The following MCM8 variants were observed in gnomAD, a reference collection of about 807,000 sequenced individuals.
The protein encoded by MCM8 is DNA helicase MCM8.
MCM8 carries 85 observed loss-of-function variants against 98.9 expected under a neutral mutation model. The observed-to-expected ratio is 0.86, with a 90% CI of 0.72 to 1.03. The LOEUF (loss-of-function observed/expected upper bound fraction) is 1.03. MCM8 is among the 50% of genes least tolerant of loss of function. The pLI is 0.00. For synonymous variants in MCM8, 352 were observed against 338.6 expected (o/e 1.04, Z -0.44); for missense variants, 951 against 997.8 (o/e 0.95, Z 0.63).
chr20:5,952,891 G>T (rs1247679419), intron 3 of MCM8, among the ~76,000 whole-genome samples: 1 of 152,230 alleles, frequency 6.6e-6, no homozygotes, highest in East Asian at 1.9e-4. Context: ...TTACCAGAAT[G>T]TGGGAATTCA....
intron 17 of MCM8, among the ~76,000 whole-genome samples, chr20:5,993,124 G>A (rs2089886309): frequency 1.3e-5 from 2 of 151,944 alleles, no homozygotes; most frequent in Non-Finnish European, 2.9e-5. Context: ...ATACTGGTGC[G>A]GCCAGATGCT....
chr20:5,959,658 C>T (rs1471071564), intron 7 of MCM8, among the ~76,000 whole-genome samples: 1 of 147,850 alleles, frequency 6.8e-6, no homozygotes, highest in Non-Finnish European at 1.5e-5. Context: ...TACATGTCTC[C>T]TTAGCAGAGG....
chr20:5,959,183 C>T (rs891981252), intron 7 of MCM8, among the ~76,000 whole-genome samples: 1 of 151,858 alleles, frequency 6.6e-6, no homozygotes, highest in Non-Finnish European at 1.5e-5. Flanking sequence ...GATTTTAAAA[C>T]TATAGAAAAG....
chr20:5,978,084 A>G, intron 13 of MCM8, 67 bp downstream of exon 13: 1 of 1,565,996 alleles, frequency 6.4e-7, no homozygotes, highest in East Asian at 2.2e-5. Flanking sequence ...TTTTCAGTTA[A>G]TTTCTTTACA....
chr20:5,951,884 C>A, intron 1 of MCM8, 127 bp from the exon 2 acceptor site: 1 of 1,075,234 alleles, frequency 9.3e-7, no homozygotes, highest in Non-Finnish European at 1.3e-6. Context: ...AGCTGTACAA[C>A]TTTGCAAGCC....
At chr20:5,953,804 T>A (rs59045889) in intron 3 of MCM8, among the ~76,000 whole-genome samples, 3,658 of 152,058 alleles carry the variant, frequency 0.024, 131 homozygotes, top group African/African-American at 0.077. Flanking sequence ...AAACTAGACG[T>A]TTGAGGTCCA....
chr20:5,993,535 G>A lies in MCM8; in HGVS notation c.2270G>A (p.Gly757Glu), dbSNP rs1466170248. ...CTAGGAACTTACTCTGATGAATTTG[G>A]GAACCTAGATTTTGAGCGATCCCAG... is the stretch of plus-strand genomic sequence containing the variant. ...SMLGTYSDEF[G>E]NLDFERSQHG... Residue 757 changes from glycine (G) to glutamate (E), a missense_variant, in exon 18 of 19, where the codon GGG (glycine) becomes GAG (glutamate). Gly to Glu is a moderately conservative substitution (Grantham distance 98, BLOSUM62 -2). Transcript: ENST00000610722. 6.4e-7 allele frequency: 1 copy of A among 1,574,262 alleles called. No homozygotes were observed. Among genetic ancestry groups the A allele is most frequent in the South Asian group, 1.2e-5 (1 of 84,028 alleles).
At chr20:5,956,014 G>A (rs2088971997) in intron 5 of MCM8, among the ~76,000 whole-genome samples, 1 of 152,156 alleles carries the variant, frequency 6.6e-6, no homozygotes, top group Admixed American at 6.5e-5. Context: ...TGATCCGCCT[G>A]CCTTGGCTTC....
rs1341743435 is a variant in MCM8 at position 5,993,555 on chromosome 20, T to C, written c.2290T>C (p.Ser764Pro). ...DEFGNLDFER[S>P]QHGSGMSNRS... ...ATTTGGGAACCTAGATTTTGAGCGA[T>C]CCCAGCATGGTTCTGGAATGAGCAA... is the stretch of plus-strand genomic sequence containing the variant. Residue 764 changes from serine (S) to proline (P), a missense_variant, in exon 18 of 19, where the codon TCC (serine) becomes CCC (proline). Coordinates refer to ENST00000610722, the MANE Select transcript of MCM8 (RefSeq NM_032485.6). The C allele has an allele frequency of 6.3e-7, 1 of 1,597,206 alleles. No individual in the cohort carries two copies. The highest frequency in any genetic ancestry group is 2.2e-5 in the East Asian group (1 of 44,808).
At chr20:5,961,003 T>C (rs961726500) in intron 7 of MCM8, among the ~76,000 whole-genome samples, 1 of 152,224 alleles carries the variant, frequency 6.6e-6, no homozygotes, top group Non-Finnish European at 1.5e-5. Context: ...CTACATTGCT[T>C]CTAAGAATCC....
chr20:5,964,048 T>G (rs749597572), intron 8 of MCM8, among the ~76,000 whole-genome samples: 4 of 152,310 alleles, frequency 2.6e-5, no homozygotes, highest in South Asian at 2.1e-4. Flanking sequence ...AAGACTCCCT[T>G]TGAAATGGCA....
chr20:5,983,252 G>GA (rs1219276805), intron 14 of MCM8, 87 bp downstream of exon 14: 31 of 1,102,412 alleles, frequency 2.8e-5, no homozygotes, highest in Non-Finnish European at 7.6e-6. Flanking sequence ...AACTACAGGG[G>GA]AAAAACATGG....
In MCM8 at chr20:5,994,379, T is replaced by C; in HGVS notation, c.2511T>C (p.Leu837=). 1 of 1,587,878 alleles carries C rather than the reference T, an allele frequency of 6.3e-7. No individual in the cohort carries two copies. Among genetic ancestry groups the C allele is most frequent in the Non-Finnish European group, 8.6e-7 (1 of 1,164,306 alleles). The change falls in exon 19 of 19, where the codon CTT becomes CTC. Residue 837 remains leucine, a synonymous_variant. Transcript: ENST00000610722. Reference sequence around the variant, plus strand: ...AAAAAGGCCCAAAAGTTTACCAGCTTCAAACTATGTAAAAGGACTTCACCA... The same window carrying C: ...AAAAAGGCCCAAAAGTTTACCAGCTCCAAACTATGTAAAAGGACTTCACCA... ...LLKKGPKVYQ[L]QTM
chr20:5,982,639 G>A (rs1408340814), intron 13 of MCM8, among the ~76,000 whole-genome samples: 2 of 152,188 alleles, frequency 1.3e-5, no homozygotes, highest in African/African-American at 4.8e-5. Flanking sequence ...GTGTGTTTGT[G>A]TGTGTATGTA....
chr20:5,983,003 G>A lies in MCM8; in HGVS notation c.1571G>A (p.Gly524Glu). 1 of 1,613,028 alleles carries A rather than the reference G, an allele frequency of 6.2e-7. No individual in the cohort carries two copies. The highest frequency in any genetic ancestry group is 8.5e-7 in the Non-Finnish European group (1 of 1,179,774). ...GGAATCGATGAATTTGATAAGATGG[G>A]GAATCAACATCAAGCCTTGTTGGAA... ...ICGIDEFDKM[G>E]NQHQALLEAM... Residue 524 changes from glycine to glutamate, a missense_variant, in exon 14 of 19, where the codon GGG becomes GAG. Physicochemically the swap from Gly to Glu is moderately conservative, Grantham distance 98. Coordinates refer to ENST00000610722, the MANE Select transcript of MCM8 (RefSeq NM_032485.6).
intron 5 of MCM8, among the ~76,000 whole-genome samples, chr20:5,955,614 A>C (rs1286928583): frequency 6.6e-6 from 1 of 152,238 alleles, no homozygotes; most frequent in Non-Finnish European, 1.5e-5. Flanking sequence ...AGAGCAAAAA[A>C]GAGCAACCTT....
chr20:5,968,723 T>G (rs1480210345), intron 10 of MCM8, among the ~76,000 whole-genome samples: 4 of 152,194 alleles, frequency 2.6e-5, no homozygotes, highest in Non-Finnish European at 5.9e-5. Flanking sequence ...TAGAAAAAAT[T>G]TGCTGATCTC....
At chr20:5,983,712 AAAAG>A (rs983347837) in intron 14 of MCM8, among the ~76,000 whole-genome samples, 5 of 152,180 alleles carry the variant, frequency 3.3e-5, no homozygotes, top group Admixed American at 1.3e-4. Flanking sequence ...AAAAAAAAGA[AAAAG>A]AAATTGTTTC....
Position 5,982,446 on chromosome 20 carries a change from C to A in MCM8, c.1538-524C>A, listed in dbSNP as rs571571725. The stretch of plus-strand genomic sequence containing the variant: ...TAACTTATGCAATAGACATGACATT[C>A]CTGGTACATACAGTGCCTTTAGTTA... On this transcript the variant is annotated intron_variant, in intron 13 of 18. Transcript: ENST00000610722. Among the ~76,000 whole-genome samples, 5 of 152,168 alleles carry A rather than the reference C, an allele frequency of 3.3e-5. 1 individual carries two copies. The highest frequency in any genetic ancestry group is 1.2e-4 in the African/African-American group (5 of 41,538).
Sources: allele counts gnomAD v4.1 joint callset (sites outside exome capture counted in the v4.1 genomes callset), GRCh38; gene constraint gnomAD v4.1.1; transcripts MANE v1.5; gene names NCBI Gene and HGNC (gene_info 2026-07-23, HGNC 2026-07-21).